The following LY6H variants were observed in gnomAD, a reference collection of about 807,000 sequenced individuals.
LY6H encodes the protein lymphocyte antigen 6H.
In LY6H, 8 loss-of-function variants were observed where a neutral mutation model predicts 14.6. The observed-to-expected ratio is 0.55, with a 90% CI of 0.32 to 0.99. The LOEUF is 0.99. LY6H is among the 50% of genes least tolerant of loss of function. The pLI, the probability that LY6H is intolerant of heterozygous loss-of-function variation, is 0.04. For missense variants in LY6H, 196 were observed against 219.6 expected (o/e 0.89, Z 0.68); for synonymous variants, 115 against 97.2 (o/e 1.18, Z -1.08).
At position 143,159,986 on chromosome 8, in the gene LY6H, G is replaced by A. The variant is rs1815559207; in HGVS notation, c.2+212C>T. 1.9e-5 allele frequency: 23 copies of A among 1,232,808 alleles called. No individual in the cohort carries two copies. The South Asian group carries it at 7.2e-4, about 39-fold the overall frequency. The allele number at this position is 1,232,808 out of a possible 1,614,324, so 76.4% of individuals were successfully genotyped here. ...GTCCTCTTCTCCCCGGGGAGCTGCA[G>A]GTGCGTCCGGACAGGAATGAGCGGC... On this transcript the variant is annotated intron_variant, in intron 1 of 3. Coordinates refer to ENST00000342752, the MANE Select transcript of LY6H (RefSeq NM_001135655.2).
Position 143,158,038 on chromosome 8 carries a change from A to T in LY6H, c.*212T>A. On this transcript the variant is annotated 3_prime_UTR_variant, in exon 4 of 4. Transcript: ENST00000342752. ...CCTCATCCCCAGGCCTCCTGCCCAG[A>T]TGGCCTGGTTTCCTGGAGATGTCCA... 1 of 547,338 alleles carries T rather than the reference A, an allele frequency of 1.8e-6. No homozygotes were observed. The highest frequency in any genetic ancestry group is 2.6e-5 in the South Asian group (1 of 38,628). The allele number at this position is 547,338 out of a possible 1,614,324, so 33.9% of individuals were successfully genotyped here.
chr8:143,158,983 CTG>C, intron 2 of LY6H, 61 bp from the exon 3 acceptor site: 1 of 1,573,976 alleles, frequency 6.4e-7, no homozygotes, highest in Non-Finnish European at 8.6e-7. Context: ...AGGCAGCCCC[CTG>C]CGCCCCCCAC....
At chr8:143,159,531 C>T in intron 2 of LY6H, 51 bp downstream of exon 2, 3 of 1,445,394 alleles carry the variant, frequency 2.1e-6, no homozygotes, top group African/African-American at 3.0e-5. Context: ...TCTCCCGCGG[C>T]GCCTCGGGCT....
intron 1 of LY6H, 180 bp downstream of exon 1, chr8:143,160,017 CG>C: frequency 8.6e-7 from 1 of 1,157,672 alleles, no homozygotes; most frequent in Non-Finnish European, 1.1e-6. Context: ...GCGGCAGGGG[CG>C]GGAGCGGGTG....
chr8:143,158,372 C>T lies in LY6H; in HGVS notation c.364G>A (p.Asp122Asn), dbSNP rs760303734. 6.1e-5 allele frequency: 98 copies of T among 1,613,782 alleles called. No individual in the cohort carries two copies. Among genetic ancestry groups the T allele is most frequent in the Non-Finnish European group, 8.1e-5 (95 of 1,179,954 alleles). The change falls in exon 4 of 4, where the codon GAC becomes AAC. Residue 122 changes from aspartate (D) to asparagine (N), a missense_variant. Coordinates refer to ENST00000342752, the MANE Select transcript of LY6H (RefSeq NM_001135655.2). ...AAATCCTTCTCGCAGCAGTCCACGT[C>T]GACCTTTAAGATCCCAGAGTTAATA... ...GFINSGILKV[D>N]VDCCEKDLCN...
In LY6H at chr8:143,160,132, C is replaced by A; in HGVS notation, c.2+66G>T. The A allele has an allele frequency of 5.7e-6, 7 of 1,233,344 alleles. No homozygotes were observed. The South Asian group carries it at 2.7e-4, about 47-fold the overall frequency. The allele number at this position is 1,233,344 out of a possible 1,614,324, so 76.4% of individuals were successfully genotyped here. A position where few individuals can be genotyped will look rare whatever the true frequency, so the allele number is the denominator to read the frequency against. On this transcript the variant is annotated intron_variant, in intron 1 of 3. Transcript: ENST00000342752. ...GAGTCCCCTCCCTTGGCCTTCCGCGCGCGCCTCGGCGCTCACCGCGGATGG... is the reference window on the plus strand; with the variant it reads ...GAGTCCCCTCCCTTGGCCTTCCGCGAGCGCCTCGGCGCTCACCGCGGATGG...
intron 1 of LY6H, chr8:143,159,940 G>T (rs984544624): frequency 1.6e-6 from 2 of 1,241,730 alleles, no homozygotes; most frequent in Non-Finnish European, 1.0e-6. Context: ...CGGCACCTGT[G>T]TGGGGGAGCG....
chr8:143,158,974 G>C (rs1166501996), intron 2 of LY6H, 52 bp from the exon 3 acceptor site: 10 of 1,593,782 alleles, frequency 6.3e-6, no homozygotes, highest in Non-Finnish European at 8.5e-6. Context: ...GTCCAAACCA[G>C]GCAGCCCCCT....
rs368069648 is a variant in LY6H at position 143,158,429 on chromosome 8, G to A, written c.307C>T (p.Arg103Ter). ...ATCAGATAGTCTGAGAAAAAGTGTC[G>A]CTTAACGAAGTCACAGGAGGAGGCA... The part of the protein sequence containing the change: ...MCASSCDFVK[R>*]HFFSDYLMGF... Residue 103 changes from arginine (R) to a stop codon, truncating the protein, a stop_gained, in exon 4 of 4, where the codon CGA (arginine) becomes TGA (stop). Transcript: ENST00000342752. LOFTEE classifies it high-confidence loss of function. 4 of 1,614,000 alleles carry A rather than the reference G, an allele frequency of 2.5e-6. No individual in the cohort carries two copies. Among genetic ancestry groups the A allele is most frequent in the Non-Finnish European group, 3.4e-6 (4 of 1,179,990 alleles).
chr8:143,158,724 G>A (rs915828533), intron 3 of LY6H, 79 bp downstream of exon 3: 3 of 1,517,688 alleles, frequency 2.0e-6, no homozygotes, highest in Non-Finnish European at 2.7e-6. Context: ...CCAGGCCAGA[G>A]GGGCTCCGAG....
chr8:143,158,435 C>T lies in LY6H; in HGVS notation c.301G>A (p.Val101Ile), dbSNP rs1300128760. The change falls in exon 4 of 4, where the codon GTT becomes ATT. Residue 101 changes from valine to isoleucine, a missense_variant. Physicochemically the swap from Val to Ile is conservative, Grantham distance 29. Coordinates refer to ENST00000342752, the MANE Select transcript of LY6H (RefSeq NM_001135655.2). ...NKMCASSCDF[V>I]KRHFFSDYLM... The stretch of plus-strand genomic sequence containing the variant: ...TAGTCTGAGAAAAAGTGTCGCTTAA[C>T]GAAGTCACAGGAGGAGGCACACATC... 5 of 1,613,892 alleles carry T rather than the reference C, an allele frequency of 3.1e-6. No individual in the cohort carries two copies. The African/African-American group carries it at 4.0e-5, about 13-fold the overall frequency.
intron 2 of LY6H, 162 bp from the exon 3 acceptor site, chr8:143,159,084 C>T (rs1204332409): frequency 2.1e-6 from 2 of 969,648 alleles, no homozygotes; most frequent in Admixed American, 4.2e-5. Context: ...AGCAGAGGCC[C>T]TGGGACAACT....
At chr8:143,159,390 C>A (rs1815536791) in intron 2 of LY6H, 192 bp downstream of exon 2, 1 of 640,372 alleles carries the variant, frequency 1.6e-6, no homozygotes, top group South Asian at 2.3e-5. Context: ...GGAGGAAGAG[C>A]GCTGGAGAGA....
At chr8:143,159,539 G>A (rs1346820213) in intron 2 of LY6H, 43 bp downstream of exon 2, 4 of 1,459,462 alleles carry the variant, frequency 2.7e-6, no homozygotes, top group Admixed American at 2.6e-5. Flanking sequence ...GGCGCCTCGG[G>A]CTCTCCCAGG....
In LY6H at chr8:143,158,314, G is replaced by T. The variant is rs747366822; in HGVS notation, c.422C>A (p.Pro141His). ...CAGGAGCCCCCCGGCCAGGGCCCAG[G>T]GGCTGTGCCCTGCCCCTGCCGCCCC... Reference protein sequence around the residue: ...CNGAAGAGHSPWALAGGLLLS... With the variant: ...CNGAAGAGHSHWALAGGLLLS... The change falls in exon 4 of 4, where the codon CCC (proline) becomes CAC (histidine). Residue 141 changes from proline (P) to histidine (H), a missense_variant. By Grantham distance (77) the Pro-to-His change is moderately conservative. Transcript: ENST00000342752. 1 of 1,613,518 alleles carries T rather than the reference G, an allele frequency of 6.2e-7. No individual in the cohort carries two copies. The highest frequency in any genetic ancestry group is 1.1e-5 in the South Asian group (1 of 91,076).
chr8:143,160,205 G>T lies in LY6H; in HGVS notation c.-6C>A. 3 of 1,284,854 alleles carry T rather than the reference G, an allele frequency of 2.3e-6. No homozygotes were observed. Among genetic ancestry groups the T allele is most frequent in the Non-Finnish European group, 2.0e-6 (2 of 1,015,372 alleles). 79.6% of individuals were successfully genotyped at this position (1,284,854 alleles called of 1,614,324 possible). A position where few individuals can be genotyped will look rare whatever the true frequency, so the allele number is the denominator to read the frequency against. On this transcript the variant is annotated 5_prime_UTR_variant, in exon 1 of 4. Coordinates refer to ENST00000342752, the MANE Select transcript of LY6H (RefSeq NM_001135655.2). ...GTCGGGGGGCTCACTCACATCCCGG[G>T]GGTGTCCGCACTCCGGGCTCGGGCG...
chr8:143,159,243 T>G, intron 2 of LY6H: 2 of 534,144 alleles, frequency 3.7e-6, no homozygotes, highest in Non-Finnish European at 3.4e-6. Context: ...CCGCCTCACA[T>G]ATCCCCCCCA....
chr8:143,159,946 G>A, intron 1 of LY6H: 1 of 1,242,416 alleles, frequency 8.0e-7, no homozygotes, highest in Non-Finnish European at 1.0e-6. Flanking sequence ...CTGTGTGGGG[G>A]AGCGGATGGG....
chr8:143,158,581 G>C, intron 3 of LY6H, 96 bp from the exon 4 acceptor site: 2 of 1,281,140 alleles, frequency 1.6e-6, no homozygotes, highest in Non-Finnish European at 2.2e-6. Context: ...GGTCAGCTCG[G>C]GGCCCCAGTA....
Sources: gnomAD v4.1 joint callset for allele counts on GRCh38, gnomAD v4.1.1 for gene constraint, MANE v1.5 for transcripts, NCBI Gene and HGNC (gene_info 2026-07-23, HGNC 2026-07-21) for gene names.